The following AOPEP variants were observed in gnomAD, a reference collection of about 807,000 sequenced individuals.
AOPEP encodes aminopeptidase O (putative).
AOPEP carries 77 observed loss-of-function variants against 98.1 expected under a neutral mutation model. The observed-to-expected ratio is 0.78, with a 90% CI of 0.65 to 0.95. The LOEUF is 0.95. Among genes scored for constraint, AOPEP ranks in the 40% least tolerant of loss-of-function variants. The pLI, the probability that AOPEP is intolerant of heterozygous loss-of-function variation, is 0.00. For missense variants in AOPEP, 1,024 were observed against 1,024.7 expected, an observed-to-expected ratio of 1.00 and a Z score of 0.01; for synonymous variants, 346 against 365.3, an observed-to-expected ratio of 0.95 and a Z score of 0.60.
the AOPEP span, chr9:95,125,225 T>C: frequency 6.5e-7 from 1 of 1,536,232 alleles, no homozygotes; most frequent in Non-Finnish European, 9.0e-7. Flanking sequence ...GTTTAACAAG[T>C]AATCCGGCAA....
chr9:95,056,119 G>C (rs981218642), intron 13 of AOPEP, among the ~76,000 whole-genome samples: 1 of 152,150 alleles, frequency 6.6e-6, no homozygotes, highest in Non-Finnish European at 1.5e-5. Flanking sequence ...TCTCCAGCCA[G>C]GATAAAAGGA....
At chr9:94,768,656 T>G (rs1368827870) in intron 2 of AOPEP, among the ~76,000 whole-genome samples, 1 of 152,248 alleles carries the variant, frequency 6.6e-6, no homozygotes, top group African/African-American at 2.4e-5. Context: ...GCCGTGGACC[T>G]GTGTCTCACC....
rs1213156787 is a variant in AOPEP, at chr9:95,082,999, C to G, written c.*4+280C>G. On this transcript the variant is annotated intron_variant, in intron 16 of 16. Transcript: ENST00000375315. ...CTCCTTGGCACTATTTTGGCCACTTCAGGTTTTATAATCTGTTGAAACAAA... is the reference window on the plus strand; with the variant it reads ...CTCCTTGGCACTATTTTGGCCACTTGAGGTTTTATAATCTGTTGAAACAAA... 4 of 371,184 alleles carry G rather than the reference C, an allele frequency of 1.1e-5. No homozygotes were observed. The East Asian group carries it at 2.2e-4, about 21-fold the overall frequency. The allele number at this position is 371,184 out of a possible 1,614,324, so 23.0% of individuals were successfully genotyped here.
the AOPEP span, among the ~76,000 whole-genome samples, chr9:95,124,817 C>A: frequency 6.6e-6 from 1 of 152,178 alleles, no homozygotes; most frequent in South Asian, 2.1e-4. Context: ...CAAGAAGAGC[C>A]GTCCTCCAGG....
intron 13 of AOPEP, among the ~76,000 whole-genome samples, chr9:95,006,754 C>T (rs986655016): frequency 6.6e-6 from 1 of 151,890 alleles, no homozygotes; most frequent in African/African-American, 2.4e-5. Context: ...TCTGACCATA[C>T]CTCAGCATGG....
At chr9:94,954,916 AGAACCCTT>A (rs1476253196) in intron 7 of AOPEP, among the ~76,000 whole-genome samples, 2 of 152,218 alleles carry the variant, frequency 1.3e-5, no homozygotes, top group African/African-American at 4.8e-5. Context: ...AGTAGAGCTT[AGAACCCTT>A]GAGGGTCTGG....
intron 9 of AOPEP, among the ~76,000 whole-genome samples, chr9:94,962,815 C>T (rs1339565508): frequency 6.7e-6 from 1 of 149,760 alleles, no homozygotes; most frequent in East Asian, 2.0e-4. Flanking sequence ...TCACTGCAAG[C>T]TCTGCCTTGT....
chr9:94,787,372 T>C (rs963263267), intron 3 of AOPEP, among the ~76,000 whole-genome samples: 3 of 152,214 alleles, frequency 2.0e-5, no homozygotes, highest in African/African-American at 4.8e-5. Flanking sequence ...CTATTGACCT[T>C]GTGCAGGGAT....
intron 5 of AOPEP, among the ~76,000 whole-genome samples, chr9:94,848,620 TCAAACAAA>T (rs199659665): frequency 3.3e-5 from 5 of 150,410 alleles, no homozygotes; most frequent in African/African-American, 7.4e-5. Context: ...AGATTCCCAC[TCAAACAAA>T]CAAACAAACA....
intron 10 of AOPEP, among the ~76,000 whole-genome samples, chr9:94,979,024 C>G (rs746577826): frequency 3.9e-5 from 6 of 152,142 alleles, no homozygotes; most frequent in Non-Finnish European, 5.9e-5. Context: ...TTTCACTACT[C>G]TCCAGGAAGC....
At chr9:94,995,949 T>A (rs896644290) in intron 11 of AOPEP, among the ~76,000 whole-genome samples, 3 of 152,146 alleles carry the variant, frequency 2.0e-5, no homozygotes, top group African/African-American at 7.2e-5. Context: ...TAAAGAACAA[T>A]GAGAGTTTGC....
At chr9:95,135,588 A>ATTGGATTAGTGAT in the AOPEP span, 1 of 1,148,124 alleles carries the variant, frequency 8.7e-7, no homozygotes, top group Non-Finnish European at 1.3e-6. Context: ...GCAATCACTA[A>ATTGGATTAGTGAT]TCCAATTTGT....
At chr9:95,077,213 G>C (rs1242233406) in intron 14 of AOPEP, among the ~76,000 whole-genome samples, 1 of 152,206 alleles carries the variant, frequency 6.6e-6, no homozygotes, top group Non-Finnish European at 1.5e-5. Context: ...TGCTTTCCTA[G>C]GCACGGGACA....
downstream of AOPEP, among the ~76,000 whole-genome samples, chr9:95,091,868 C>T (rs1427307405): frequency 2.6e-5 from 4 of 152,298 alleles, no homozygotes; most frequent in East Asian, 3.9e-4. Flanking sequence ...TGTGCATGTG[C>T]GCACCCCACC....
chr9:94,747,620 T>G (rs1439751946), intron 1 of AOPEP, among the ~76,000 whole-genome samples: 1 of 152,228 alleles, frequency 6.6e-6, no homozygotes, highest in Non-Finnish European at 1.5e-5. Flanking sequence ...AACTCAAAGA[T>G]TAAAATTTTA....
intron 5 of AOPEP, among the ~76,000 whole-genome samples, chr9:94,917,225 G>C (rs1031504693): frequency 7.9e-5 from 12 of 151,478 alleles, no homozygotes; most frequent in Admixed American, 7.3e-4. Context: ...CCGCTGCTCT[G>C]CTGGTCAGTA....
downstream of AOPEP, among the ~76,000 whole-genome samples, chr9:95,091,944 G>T (rs914825701): frequency 6.6e-6 from 1 of 152,110 alleles, no homozygotes; most frequent in African/African-American, 2.4e-5. Flanking sequence ...GGAAAAGGGG[G>T]TTGATGCCCC....
intron 10 of AOPEP, among the ~76,000 whole-genome samples, chr9:94,973,964 A>G (rs1479447654): frequency 6.6e-6 from 1 of 152,204 alleles, no homozygotes; most frequent in Admixed American, 6.5e-5. Context: ...ACCACTGTAT[A>G]AATCCAATCC....
At chr9:94,791,255 T>A (rs1055257512) in intron 3 of AOPEP, among the ~76,000 whole-genome samples, 2 of 152,068 alleles carry the variant, frequency 1.3e-5, no homozygotes, top group African/African-American at 4.8e-5. Context: ...AACCAAATAC[T>A]GCATGTTCTT....
Sources: gnomAD v4.1 joint callset for allele counts (sites outside exome capture counted in the v4.1 genomes callset) on GRCh38, gnomAD v4.1.1 for gene constraint, MANE v1.5 for transcripts, NCBI Gene and HGNC (gene_info 2026-07-23, HGNC 2026-07-21) for gene names.